MTPN: variants seen among roughly 807,000 people sequenced by gnomAD.
MTPN encodes the protein granule cell differentiation protein.
MTPN carries 2 observed loss-of-function variants against 13.5 expected under a neutral mutation model. The observed-to-expected ratio is 0.15, with a 90% CI of 0.06 to 0.47. MTPN has a LOEUF of 0.47. MTPN is among the 20% of genes least tolerant of loss of function. The probability of loss-of-function intolerance (pLI) is 0.97; values close to 1 mark genes in which losing one functional copy is unlikely to be tolerated. For missense variants in MTPN, 79 were observed against 137.9 expected (o/e 0.57, Z 2.14); for synonymous variants, 46 against 51.7 (o/e 0.89, Z 0.48).
chr7:135,938,487 A>ATGAC (rs1339670160), intron 3 of MTPN, among the ~76,000 whole-genome samples: 1 of 152,252 alleles, frequency 6.6e-6, no homozygotes, highest in Admixed American at 6.5e-5. Context: ...TTAACATTTT[A>ATGAC]TGACAGACAC....
At chr7:135,944,289 A>G (rs78683155) in intron 3 of MTPN, among the ~76,000 whole-genome samples, 2,009 of 152,282 alleles carry the variant, frequency 0.013, 22 homozygotes, top group Non-Finnish European at 0.02. Context: ...CTTTATTAAA[A>G]TTATAAGGAA....
chr7:135,966,139 G>A lies in MTPN; in HGVS notation c.72+10890C>T, dbSNP rs538454353. Reference sequence around the variant, plus strand: ...AGCTCCCAGAACTGCTAGGAGGATTGAAGAACAAAGCTCAGTAAATGGACA... The same window carrying A: ...AGCTCCCAGAACTGCTAGGAGGATTAAAGAACAAAGCTCAGTAAATGGACA... On this transcript the variant is annotated intron_variant, in intron 1 of 3. Transcript: ENST00000393085. 5.3e-5 allele frequency among the ~76,000 whole-genome samples: 8 copies of A among 152,218 alleles called. No individual in the cohort carries two copies. The East Asian group carries it at 1.5e-3, about 29-fold the overall frequency.
chr7:135,949,727 A>T (rs541086635), intron 3 of MTPN, among the ~76,000 whole-genome samples: 50 of 152,330 alleles, frequency 3.3e-4, no homozygotes, highest in Non-Finnish European at 5.9e-4. Flanking sequence ...CAAAGCATTA[A>T]AATCCTCTTC....
intron 1 of MTPN, among the ~76,000 whole-genome samples, chr7:135,952,086 AT>A (rs1193578068): frequency 1.3e-5 from 2 of 152,228 alleles, no homozygotes; most frequent in East Asian, 3.8e-4. Flanking sequence ...AATTTATTTC[AT>A]TTAACATTCA....
At chr7:135,950,732 ACTTTCTAGTTTTAACTAGAAAACT>A (rs1304482203) in intron 2 of MTPN, 50 bp from the exon 3 acceptor site, 2 of 1,414,648 alleles carry the variant, frequency 1.4e-6, no homozygotes, top group Admixed American at 1.9e-5. Context: ...ATTTCTTCCT[ACTTTCTAGTTTTAACTAGAAAACT>A]CTTTCTAGAT....
At chr7:135,951,728 A>T in intron 1 of MTPN, 98 bp from the exon 2 acceptor site, 1 of 692,294 alleles carries the variant, frequency 1.4e-6, no homozygotes, top group Non-Finnish European at 2.4e-6. Flanking sequence ...AAGCCGTGAG[A>T]GTTTCATGAA....
chr7:135,974,658 G>A (rs946493314), intron 1 of MTPN, among the ~76,000 whole-genome samples: 2 of 151,908 alleles, frequency 1.3e-5, no homozygotes, highest in African/African-American at 4.9e-5. Flanking sequence ...TTTTAAAATA[G>A]ACTCTCACCC....
chr7:135,927,012 A>G lies in MTPN; in HGVS notation c.*2914T>C, dbSNP rs2116328364. 1 of 240,872 alleles carries G rather than the reference A, an allele frequency of 4.2e-6. No homozygotes were observed. The highest frequency in any genetic ancestry group is 7.4e-5 in the East Asian group (1 of 13,470). The allele number at this position is 240,872 out of a possible 1,614,324, so 14.9% of individuals were successfully genotyped here. ...AGAATCAGGACAATTTAAATTTTTT[A>G]TATTTTGCATGCAAAACACTGCAAT... On this transcript the variant is annotated 3_prime_UTR_variant, in exon 4 of 4. Transcript: ENST00000393085.
At chr7:135,938,295 C>T (rs779427131) in intron 3 of MTPN, among the ~76,000 whole-genome samples, 1 of 152,210 alleles carries the variant, frequency 6.6e-6, no homozygotes, top group Non-Finnish European at 1.5e-5. Context: ...CACACATACC[C>T]TTCCCCCTTG....
At chr7:135,972,432 C>T (rs1379762743) in intron 1 of MTPN, among the ~76,000 whole-genome samples, 2 of 152,178 alleles carry the variant, frequency 1.3e-5, no homozygotes, top group Non-Finnish European at 2.9e-5. Context: ...GGTAAAACAT[C>T]TTGCAGAGTG....
At position 135,929,947 on chromosome 7, in the gene MTPN, T is replaced by C; in HGVS notation, c.336A>G (p.Ala112=). The C allele has an allele frequency of 6.2e-7, 1 of 1,613,156 alleles. No homozygotes were observed. The highest frequency in any genetic ancestry group is 8.5e-7 in the Non-Finnish European group (1 of 1,179,458). ...TCCATCACTGGAGAAGAGCTTTGAT[T>C]GCCTGGTTGTCAGTGGCTTCAAAGG... ...LTAFEATDNQ[A]IKALLQ is the part of the protein sequence containing the mutation. The change falls in exon 4 of 4, where the codon GCA becomes GCG. Residue 112 remains alanine (A), a synonymous_variant. Coordinates refer to ENST00000393085, the MANE Select transcript of MTPN (RefSeq NM_145808.4).
intron 1 of MTPN, among the ~76,000 whole-genome samples, chr7:135,972,230 C>T (rs541318508): frequency 0.021 from 2,562 of 123,958 alleles, 99 homozygotes; most frequent in East Asian, 0.2. Flanking sequence ...CGCACGCGCG[C>T]GCACACACAC....
At chr7:135,970,409 T>A (rs1799676497) in intron 1 of MTPN, among the ~76,000 whole-genome samples, 1 of 152,230 alleles carries the variant, frequency 6.6e-6, no homozygotes, top group Non-Finnish European at 1.5e-5. Flanking sequence ...TTTTACTTTT[T>A]AAAAGTTAGG....
intron 3 of MTPN, among the ~76,000 whole-genome samples, chr7:135,944,206 C>A (rs956649744): frequency 1.3e-5 from 2 of 151,922 alleles, no homozygotes; most frequent in Non-Finnish European, 2.9e-5. Context: ...AGGATATTTC[C>A]CCACAATACC....
chr7:135,960,148 C>A (rs1381825036), intron 1 of MTPN, among the ~76,000 whole-genome samples: 2 of 152,024 alleles, frequency 1.3e-5, no homozygotes, highest in African/African-American at 4.8e-5. Context: ...GGCAAGACAA[C>A]AAGTAAACCA....
chr7:135,940,990 T>C (rs1487349583), intron 3 of MTPN, among the ~76,000 whole-genome samples: 2 of 152,238 alleles, frequency 1.3e-5, no homozygotes, highest in Non-Finnish European at 2.9e-5. Flanking sequence ...TGCTTATGGC[T>C]GCTTTTGCAT....
At chr7:135,932,422 A>C (rs1799037493) in intron 3 of MTPN, 1 of 151,872 alleles carries the variant, frequency 6.6e-6, no homozygotes, top group Non-Finnish European at 1.5e-5. Flanking sequence ...CTGCTTGTTG[A>C]CTATCTCTGC....
At chr7:135,965,255 T>C (rs945996921) in intron 1 of MTPN, among the ~76,000 whole-genome samples, 1 of 152,126 alleles carries the variant, frequency 6.6e-6, no homozygotes, top group Non-Finnish European at 1.5e-5. Flanking sequence ...TTAAAACTTG[T>C]ACACAACATG....
chr7:135,946,007 G>T (rs939777351), intron 3 of MTPN, among the ~76,000 whole-genome samples: 1 of 152,098 alleles, frequency 6.6e-6, no homozygotes, highest in Admixed American at 6.6e-5. Context: ...GCTAATAAAA[G>T]TTAACTGTAA....
Sources: allele counts gnomAD v4.1 joint callset (sites outside exome capture counted in the v4.1 genomes callset), GRCh38; gene constraint gnomAD v4.1.1; transcripts MANE v1.5; gene names NCBI Gene and HGNC (gene_info 2026-07-23, HGNC 2026-07-21).